CREB3L2: variants seen among roughly 807,000 people sequenced by gnomAD.
CREB3L2 encodes the protein cAMP responsive element binding protein 3 like 2.
A neutral mutation model predicts 57.2 loss-of-function variants in CREB3L2; 23 were observed. That is an observed-to-expected ratio of 0.40 (90% CI 0.29 to 0.57). The LOEUF is 0.57. Ranked by LOEUF, CREB3L2 falls within the 20% of genes least tolerant of loss-of-function variation. CREB3L2 has a pLI of 0.42. For synonymous variants in CREB3L2, 268 were observed against 265.1 expected (o/e 1.01, Z -0.11); for missense variants, 628 against 634.7 (o/e 0.99, Z 0.11).
rs149089766 is a variant in CREB3L2, at chr7:137,973,898, G to A, written c.102+27706C>T. Among the ~76,000 whole-genome samples the A allele has an allele frequency of 7.0e-3, 1,065 of 152,218 alleles. 4 individuals carry two copies. The highest frequency in any genetic ancestry group is 0.017 in the Admixed American group (256 of 15,288). ...TATGAGCTGGCATTGCATGTTCTGG[G>A]GAGTATTTCCAAACCAATAACTGCT... On this transcript the variant is annotated intron_variant, in intron 1 of 11. Transcript: ENST00000330387.
intron 1 of CREB3L2, among the ~76,000 whole-genome samples, chr7:137,982,771 T>C (rs902961111): frequency 1.3e-5 from 2 of 152,162 alleles, no homozygotes; most frequent in African/African-American, 4.8e-5. Flanking sequence ...TGCAAATTCA[T>C]ATGCTGAAGC....
intron 4 of CREB3L2, among the ~76,000 whole-genome samples, chr7:137,909,357 G>C (rs1476831066): frequency 1.3e-5 from 2 of 152,174 alleles, no homozygotes; most frequent in Non-Finnish European, 2.9e-5. Flanking sequence ...GCGTCCATCA[G>C]GCATCTCCAG....
intron 1 of CREB3L2, 53 bp from the exon 2 acceptor site, chr7:137,928,419 G>A: frequency 7.1e-7 from 1 of 1,401,120 alleles, no homozygotes; most frequent in Non-Finnish European, 1.0e-6. Context: ...TAATGTGACA[G>A]ATACCCTACG....
In CREB3L2 at chr7:137,919,642, C is replaced by CA. The variant is rs1264190179; in HGVS notation, c.320-3631dup. Among the ~76,000 whole-genome samples the CA allele has an allele frequency of 3.3e-5, 5 of 151,890 alleles. 1 individual carries two copies. Among genetic ancestry groups the CA allele is most frequent in the Middle Eastern group, 6.3e-3 (2 of 316 alleles). On this transcript the variant is annotated intron_variant, in intron 2 of 11. Transcript: ENST00000330387. ...CTCACTAGGGCATTGTTTATGATGA[C>CA]AAAACACTGAAAATAACCAAAACAT...
In CREB3L2 at chr7:137,876,512, G is replaced by A. The variant is rs867662533; in HGVS notation, c.*3964C>T. On this transcript the variant is annotated 3_prime_UTR_variant, in exon 12 of 12. Coordinates refer to ENST00000330387, the MANE Select transcript of CREB3L2 (RefSeq NM_194071.4). ...TTCCTTATGAAACTGAAAAGTCTTA[G>A]GAGTAACTGAATGAGTGAGTGAATG... The A allele has an allele frequency of 1.7e-5, 4 of 233,026 alleles. No individual in the cohort carries two copies. Among genetic ancestry groups the A allele is most frequent in the Middle Eastern group, 1.3e-3 (1 of 786 alleles). The allele number at this position is 233,026 out of a possible 1,614,324, so 14.4% of individuals were successfully genotyped here. A position where few individuals can be genotyped will look rare whatever the true frequency, so the allele number is the denominator to read the frequency against.
At position 137,980,847 on chromosome 7, in the gene CREB3L2, T is replaced by A. The variant is rs889650665; in HGVS notation, c.102+20757A>T. ...TCTCTTTGCCTCTCCTGCTCTTTAC[T>A]GATGCACTGGCCCCTGTTCCTCCAC... On this transcript the variant is annotated intron_variant, in intron 1 of 11. Coordinates refer to ENST00000330387, the MANE Select transcript of CREB3L2 (RefSeq NM_194071.4). This position sits in a 1 kb window ranked among gnomAD's most constrained non-coding sequence, Gnocchi z 4.3. Among the ~76,000 whole-genome samples, 11 of 152,340 alleles carry A rather than the reference T, an allele frequency of 7.2e-5. No individual in the cohort carries two copies. Among genetic ancestry groups the A allele is most frequent in the African/African-American group, 1.9e-4 (8 of 41,584 alleles).
chr7:137,964,731 T>C (rs1266393218), intron 1 of CREB3L2, among the ~76,000 whole-genome samples: 1 of 152,228 alleles, frequency 6.6e-6, no homozygotes, highest in African/African-American at 2.4e-5. Context: ...AGTAGTGATA[T>C]GGTTTGGCTT....
intron 2 of CREB3L2, among the ~76,000 whole-genome samples, chr7:137,926,189 T>C (rs1800451880): frequency 6.6e-6 from 1 of 152,228 alleles, no homozygotes; most frequent in Admixed American, 6.5e-5. Context: ...CTTAAGGATC[T>C]AGAACCAGAA....
chr7:137,913,007 G>A lies in CREB3L2; in HGVS notation c.567C>T (p.Asn189=). The change falls in exon 4 of 12, where the codon AAC becomes AAT. Residue 189 remains asparagine, a synonymous_variant. Transcript: ENST00000330387. ...LEPHEVDQFL[N]FSPKEAPVDH... ...CAGACAGACCTTCTTTAGGAGAGAAGTTTAGAAACTGATCCACTTCATGAG... is the reference window on the plus strand; with the variant it reads ...CAGACAGACCTTCTTTAGGAGAGAAATTTAGAAACTGATCCACTTCATGAG... 1.2e-6 allele frequency: 2 copies of A among 1,613,958 alleles called. No homozygotes were observed. The highest frequency in any genetic ancestry group is 1.7e-6 in the Non-Finnish European group (2 of 1,179,858).
At chr7:137,953,483 G>A in intron 1 of CREB3L2, 1 of 1,289,080 alleles carries the variant, frequency 7.8e-7, no homozygotes, top group Non-Finnish European at 1.0e-6. Flanking sequence ...TCTTTAAAAA[G>A]CGTCAACCAT....
rs192177250 is a variant in CREB3L2, at chr7:137,876,470, G to A, written c.*4006C>T. ...CCTTCTATTCCCCAATATTCCCTAGGGCCTCAGGCAACACTCTTCCTTATG... is the reference window on the plus strand; with the variant it reads ...CCTTCTATTCCCCAATATTCCCTAGAGCCTCAGGCAACACTCTTCCTTATG... On this transcript the variant is annotated 3_prime_UTR_variant, in exon 12 of 12. Transcript: ENST00000330387. 9.3e-4 allele frequency: 215 copies of A among 232,058 alleles called. No homozygotes were observed. Among genetic ancestry groups the A allele is most frequent in the African/African-American group, 4.5e-3 (201 of 45,140 alleles). 14.4% of individuals were successfully genotyped at this position (232,058 alleles called of 1,614,324 possible).
At chr7:137,923,059 T>G (rs556613659) in intron 2 of CREB3L2, among the ~76,000 whole-genome samples, 1 of 152,214 alleles carries the variant, frequency 6.6e-6, no homozygotes, top group African/African-American at 2.4e-5. Flanking sequence ...ATCTTAACCC[T>G]GAAATAACTT....
At chr7:137,969,439 C>T (rs144801648) in intron 1 of CREB3L2, among the ~76,000 whole-genome samples, 4,685 of 148,702 alleles carry the variant, frequency 0.032, 99 homozygotes, top group Non-Finnish European at 0.049. Flanking sequence ...CTTCGCCTCC[C>T]GGGTTCATGC....
At chr7:137,947,794 A>G (rs1342599586) in intron 1 of CREB3L2, among the ~76,000 whole-genome samples, 8 of 152,196 alleles carry the variant, frequency 5.3e-5, no homozygotes. Context: ...CATTTATATA[A>G]GACACATTTC....
intron 1 of CREB3L2, among the ~76,000 whole-genome samples, chr7:137,949,056 T>G (rs1245330501): frequency 6.6e-6 from 1 of 152,168 alleles, no homozygotes; most frequent in Non-Finnish European, 1.5e-5. Context: ...AGTTGAGAAA[T>G]AAGTCTACAC....
chr7:137,990,501 T>C (rs1377662521), intron 1 of CREB3L2, among the ~76,000 whole-genome samples: 1 of 152,190 alleles, frequency 6.6e-6, no homozygotes, highest in Non-Finnish European at 1.5e-5. Flanking sequence ...AGAATGTTTA[T>C]CCCCTGCCTA....
rs1267278339 is a variant in CREB3L2, at chr7:137,972,734, TATAG to T, written c.102+28866_102+28869del. Among the ~76,000 whole-genome samples the T allele has an allele frequency of 6.5e-3, 153 of 23,396 alleles. 3 individuals carry two copies. The highest frequency in any genetic ancestry group is 0.026 in the African/African-American group (108 of 4,134). The allele number at this position is 23,396 out of a possible 152,430, so 15.3% of individuals were successfully genotyped here. A position where few individuals can be genotyped will look rare whatever the true frequency, so the allele number is the denominator to read the frequency against. ...AAAAATATATATATATATATATATA[TATAG>T]AGAGAGAGAGAGAGAGAGAGAGAGA... On this transcript the variant is annotated intron_variant, in intron 1 of 11. Coordinates refer to ENST00000330387, the MANE Select transcript of CREB3L2 (RefSeq NM_194071.4).
rs748482110 is a variant in CREB3L2, at chr7:137,880,454, G to A, written c.*22C>T. The stretch of plus-strand genomic sequence containing the variant: ...ATGTAAAAGTAGAGTTAAGGGAAAG[G>A]GAGGGGGTGCAGGCAGCCTCTTTAG... On this transcript the variant is annotated 3_prime_UTR_variant, in exon 12 of 12. Coordinates refer to ENST00000330387, the MANE Select transcript of CREB3L2 (RefSeq NM_194071.4). The surrounding 1 kb of genome is among the most constrained non-coding windows in gnomAD (Gnocchi z 4.0). 1.3e-6 allele frequency: 2 copies of A among 1,598,486 alleles called. No homozygotes were observed. Among genetic ancestry groups the A allele is most frequent in the African/African-American group, 1.3e-5 (1 of 74,606 alleles).
rs1435575377 is a variant in CREB3L2 at position 137,977,362 on chromosome 7, G to A, written c.102+24242C>T. ...CCTCTAAGAGACCCAAAGCACACAA[G>A]TGAAATGGTTATGCAACAACACAAC... On this transcript the variant is annotated intron_variant, in intron 1 of 11. Transcript: ENST00000330387. 3.3e-5 allele frequency among the ~76,000 whole-genome samples: 5 copies of A among 152,184 alleles called. 1 individual carries two copies. The highest frequency in any genetic ancestry group is 2.6e-4 in the Admixed American group (4 of 15,288).
Sources: allele counts gnomAD v4.1 joint callset (sites outside exome capture counted in the v4.1 genomes callset), GRCh38; gene constraint gnomAD v4.1.1; non-coding constraint Gnocchi (gnomAD v3.1); transcripts MANE v1.5; gene names NCBI Gene and HGNC (gene_info 2026-07-23, HGNC 2026-07-21).